The following SCAMP4 variants were observed in gnomAD, a reference collection of about 807,000 sequenced individuals.
SCAMP4 encodes secretory carrier membrane protein 4.
In SCAMP4, 19 loss-of-function variants were observed where a neutral mutation model predicts 32.1. The ratio of observed to expected loss-of-function variants is 0.59; its 90% confidence interval spans 0.41 to 0.87. SCAMP4 has a LOEUF of 0.87. Among genes scored for constraint, SCAMP4 ranks in the 40% least tolerant of loss-of-function variants. SCAMP4 has a pLI of 0.00. For synonymous variants in SCAMP4, 152 were observed against 132.7 expected, an observed-to-expected ratio of 1.15 and a Z score of -1.00; for missense variants, 302 against 309.0, an observed-to-expected ratio of 0.98 and a Z score of 0.17.
At chr19:1,912,624 A>G (rs2013529740) in intron 1 of SCAMP4, 7 of 1,462,444 alleles carry the variant, frequency 4.8e-6, no homozygotes, top group South Asian at 2.6e-5. Flanking sequence ...GCAGAGCCAC[A>G]TGGAGCGGGC....
At chr19:1,920,583 C>T (rs1453463192) in intron 5 of SCAMP4, 1 of 984,804 alleles carries the variant, frequency 1.0e-6, no homozygotes, top group African/African-American at 1.7e-5. Flanking sequence ...GAGTTAGAGT[C>T]ATAGTGAGCG....
At chr19:1,923,615 C>CGT (rs71335396) in intron 6 of SCAMP4, among the ~76,000 whole-genome samples, 1 of 86,466 alleles carries the variant, frequency 1.2e-5, no homozygotes, top group Non-Finnish European at 2.0e-5. Context: ...CAGCAAAATG[C>CGT]TTTTTTTTTT....
chr19:1,909,100 G>A (rs1231174235), intron 1 of SCAMP4, among the ~76,000 whole-genome samples: 2 of 145,926 alleles, frequency 1.4e-5, no homozygotes, highest in African/African-American at 5.1e-5. Context: ...GTGAGACTCT[G>A]TCTGAAAAAA....
chr19:1,919,191 C>T lies in SCAMP4; in HGVS notation c.395+201C>T, dbSNP rs2013838166. Reference sequence around the variant, plus strand: ...CTCGCCAGCACCCAGCCATGGTTCGCGATTGTAGGCACTCTCCTAGGGAGG... The same window carrying T: ...CTCGCCAGCACCCAGCCATGGTTCGTGATTGTAGGCACTCTCCTAGGGAGG... On this transcript the variant is annotated intron_variant, in intron 5 of 6. Transcript: ENST00000316097. The T allele has an allele frequency of 1.1e-5, 15 of 1,414,962 alleles. No homozygotes were observed. The South Asian group carries it at 1.6e-4, about 16-fold the overall frequency. 87.7% of individuals were successfully genotyped at this position (1,414,962 alleles called of 1,614,324 possible). A position where few individuals can be genotyped will look rare whatever the true frequency, so the allele number is the denominator to read the frequency against.
rs899385785 is a variant in SCAMP4, at chr19:1,922,752, A to G, written c.396-318A>G. On this transcript the variant is annotated intron_variant, in intron 5 of 6. Coordinates refer to ENST00000316097, the MANE Select transcript of SCAMP4 (RefSeq NM_079834.4). Reference sequence around the variant, plus strand: ...CACTGAGGGAAACTAATGGGGAAGCACTGGTCTCCATTCCCTGCACGCACA... The same window carrying G: ...CACTGAGGGAAACTAATGGGGAAGCGCTGGTCTCCATTCCCTGCACGCACA... 3.9e-6 allele frequency: 4 copies of G among 1,030,298 alleles called. No individual in the cohort carries two copies. In the African/African-American group the frequency reaches 5.1e-5, roughly 13 times the overall value. 63.8% of individuals were successfully genotyped at this position (1,030,298 alleles called of 1,614,324 possible).
intron 5 of SCAMP4, chr19:1,920,175 G>A: frequency 1.0e-6 from 1 of 985,452 alleles, no homozygotes; most frequent in Non-Finnish European, 1.2e-6. Context: ...GTTGCAGAGA[G>A]TGACTGTTCT....
intron 1 of SCAMP4, chr19:1,906,916 A>G (rs7251601): frequency 0.99 from 149,233 of 150,402 alleles, 74,040 homozygotes; most frequent in Middle Eastern, 1. Flanking sequence ...GGCTGGGCGC[A>G]GTGGCTCACG....
chr19:1,922,677 C>G, intron 5 of SCAMP4: 1 of 990,024 alleles, frequency 1.0e-6, no homozygotes, highest in Non-Finnish European at 1.2e-6. Flanking sequence ...TTCTTAGTAG[C>G]AGGCTCAGTG....
Position 1,924,258 on chromosome 19 carries a change from T to A in SCAMP4, c.664T>A (p.Tyr222Asn). 6.2e-7 allele frequency: 1 copy of A among 1,601,152 alleles called. No individual in the cohort carries two copies. Among genetic ancestry groups the A allele is most frequent in the Non-Finnish European group, 8.5e-7 (1 of 1,174,496 alleles). ...GCCCGAGTACCCCACTGTGCCCAGC[T>A]ACCCGGGCAGTGGCCAGTGGCCTTA... is the stretch of plus-strand genomic sequence containing the variant. ...SLPEYPTVPS[Y>N]PGSGQWP The change falls in exon 7 of 7, where the codon TAC (tyrosine) becomes AAC (asparagine). Residue 222 changes from tyrosine (Y) to asparagine (N), a missense_variant. By Grantham distance (143) the Tyr-to-Asn change is moderately radical (BLOSUM62 -2). Transcript: ENST00000316097.
chr19:1,913,063 TCCACGCAC>T, intron 1 of SCAMP4: 1 of 1,602,806 alleles, frequency 6.2e-7, no homozygotes, highest in Non-Finnish European at 8.5e-7. Flanking sequence ...CGCTTCCGCA[TCCACGCAC>T]GGCCCGACCT....
Position 1,908,241 on chromosome 19 carries a change from C to G in SCAMP4, c.-42+2802C>G, listed in dbSNP as rs1009863152. The G allele has an allele frequency of 3.5e-6, 1 of 287,656 alleles. No homozygotes were observed. The highest frequency in any genetic ancestry group is 6.9e-6 in the Non-Finnish European group (1 of 145,182). 17.8% of individuals were successfully genotyped at this position (287,656 alleles called of 1,614,324 possible). The stretch of plus-strand genomic sequence containing the variant: ...CAGCGGCAGCACCTGGCGCTGCCTC[C>G]GCGCTTCCTGCTCCCGGCTCCCACT... On this transcript the variant is annotated intron_variant, in intron 1 of 6. Coordinates refer to ENST00000316097, the MANE Select transcript of SCAMP4 (RefSeq NM_079834.4). This position sits in a 1 kb window ranked among gnomAD's most constrained non-coding sequence, Gnocchi z 4.2.
intron 5 of SCAMP4, 62 bp from the exon 6 acceptor site, chr19:1,922,996 AGGACCATGGGCC>A (rs918105599): frequency 7.0e-5 from 100 of 1,436,312 alleles, no homozygotes; most frequent in Non-Finnish European, 8.0e-5. Flanking sequence ...TTACATGGGG[AGGACCATGGGCC>A]GGACCATGGG....
chr19:1,921,890 A>G, intron 5 of SCAMP4: 1 of 985,284 alleles, frequency 1.0e-6, no homozygotes, highest in Non-Finnish European at 1.2e-6. Context: ...CAAGCAGGCG[A>G]ACACAGGACA....
chr19:1,920,343 C>T (rs4807169), intron 5 of SCAMP4: 512,714 of 964,252 alleles, frequency 0.53, 143,513 homozygotes, highest in Non-Finnish European at 0.57. Context: ...GGTACTCTCA[C>T]GCCAGTGCAC....
Position 1,924,196 on chromosome 19 carries a change from G to T in SCAMP4, c.602G>T (p.Arg201Met), listed in dbSNP as rs2014025489. 1.2e-6 allele frequency: 2 copies of T among 1,610,106 alleles called. No individual in the cohort carries two copies. The stretch of plus-strand genomic sequence containing the variant: ...GGCACTTGGCGGAACCCACCGTCGA[G>T]GGAGGCCCAGTACAACAACTTCTCA... ...NTGTWRNPPS[R>M]EAQYNNFSGN... Residue 201 changes from arginine (R) to methionine (M), a missense_variant, in exon 7 of 7, where the codon AGG becomes ATG. Coordinates refer to ENST00000316097, the MANE Select transcript of SCAMP4 (RefSeq NM_079834.4).
chr19:1,911,579 G>C (rs1056418327), intron 1 of SCAMP4, among the ~76,000 whole-genome samples: 3 of 152,158 alleles, frequency 2.0e-5, no homozygotes, highest in Non-Finnish European at 4.4e-5. Flanking sequence ...TTAGGAGTTC[G>C]AGACCAGCCT....
chr19:1,916,515 G>A (rs1361628697), intron 2 of SCAMP4, among the ~76,000 whole-genome samples: 1 of 152,210 alleles, frequency 6.6e-6, no homozygotes, highest in Admixed American at 6.5e-5. Flanking sequence ...CTGGAGTGCA[G>A]TGGTGTGATC....
At chr19:1,912,920 C>A in intron 1 of SCAMP4, 1 of 1,610,010 alleles carries the variant, frequency 6.2e-7, no homozygotes, top group Non-Finnish European at 8.5e-7. Flanking sequence ...AGGACGGCCT[C>A]CCCTACCTGT....
At chr19:1,923,651 C>T (rs2013991898) in intron 6 of SCAMP4, among the ~76,000 whole-genome samples, 1 of 130,562 alleles carries the variant, frequency 7.7e-6, no homozygotes, top group South Asian at 2.5e-4. Context: ...CAGAGTCTCG[C>T]TCTGTCACCC....
Sources: gnomAD v4.1 joint callset for allele counts (sites outside exome capture counted in the v4.1 genomes callset) on GRCh38, gnomAD v4.1.1 for gene constraint, Gnocchi (gnomAD v3.1) non-coding constraint, MANE v1.5 for transcripts, NCBI Gene and HGNC (gene_info 2026-07-23, HGNC 2026-07-21) for gene names.